The following KCNN2 variants were observed in gnomAD, a reference collection of about 807,000 sequenced individuals.
KCNN2 encodes the protein small conductance calcium-activated potassium channel protein 2.
In KCNN2, 24 loss-of-function variants were observed where a neutral mutation model predicts 55.5. The ratio of observed to expected loss-of-function variants is 0.43; its 90% confidence interval spans 0.31 to 0.61. The LOEUF (loss-of-function observed/expected upper bound fraction) is 0.61. Ranked by LOEUF, KCNN2 falls within the 20% of genes least tolerant of loss-of-function variation. KCNN2 has a pLI of 0.08. For synonymous variants in KCNN2, 431 were observed against 336.1 expected (o/e 1.28, Z -3.09); for missense variants, 754 against 853.6 (o/e 0.88, Z 1.45).
intron 2 of KCNN2, among the ~76,000 whole-genome samples, chr5:114,253,126 T>C (rs1435871867): frequency 1.2e-4 from 7 of 56,592 alleles, no homozygotes; most frequent in Admixed American, 3.0e-4. Context: ...TTTTTTTTCT[T>C]GCTTTCTTTT....
chr5:114,345,899 G>T (rs757434926), intron 2 of KCNN2, among the ~76,000 whole-genome samples: 1 of 152,128 alleles, frequency 6.6e-6, no homozygotes, highest in Non-Finnish European at 1.5e-5. Context: ...TTCTGCCTCG[G>T]CATCCCGAGT....
chr5:114,419,314 G>A (rs1759402219), intron 3 of KCNN2, among the ~76,000 whole-genome samples: 2 of 152,216 alleles, frequency 1.3e-5, no homozygotes, highest in Non-Finnish European at 2.9e-5. Context: ...GAGACTATAT[G>A]TAGTCTACAA....
intron 3 of KCNN2, among the ~76,000 whole-genome samples, chr5:114,406,135 C>T (rs992879545): frequency 4.7e-5 from 7 of 150,304 alleles, no homozygotes; most frequent in African/African-American, 1.7e-4. Context: ...GAACCCTGAC[C>T]ACCCCCCAGC....
intron 1 of KCNN2, among the ~76,000 whole-genome samples, chr5:114,078,659 G>C (rs948125976): frequency 2.6e-5 from 4 of 152,314 alleles, no homozygotes; most frequent in Non-Finnish European, 4.4e-5. Flanking sequence ...GGAGATGGCT[G>C]TATGTCTCAT....
chr5:114,387,521 T>A (rs1329438371), intron 2 of KCNN2, among the ~76,000 whole-genome samples: 3 of 125,352 alleles, frequency 2.4e-5, no homozygotes, highest in Non-Finnish European at 5.0e-5. Flanking sequence ...TAGAAAAAAA[T>A]TTAAAAACTG....
chr5:114,391,269 G>A (rs1331840963), intron 2 of KCNN2, among the ~76,000 whole-genome samples: 1 of 151,646 alleles, frequency 6.6e-6, no homozygotes, highest in Non-Finnish European at 1.5e-5. Context: ...TCATCTACTT[G>A]TCCCTCTCTG....
intron 1 of KCNN2, among the ~76,000 whole-genome samples, chr5:114,123,999 G>A (rs1479656184): frequency 2.0e-5 from 3 of 152,110 alleles, no homozygotes; most frequent in Admixed American, 6.5e-5. Flanking sequence ...CAAGAATGTT[G>A]TTTTACACAG....
chr5:114,431,040 G>A (rs1325391424), intron 3 of KCNN2, among the ~76,000 whole-genome samples: 1 of 152,050 alleles, frequency 6.6e-6, no homozygotes, highest in East Asian at 1.9e-4. Context: ...GATATTGGTT[G>A]ATAGTCTTAC....
chr5:114,221,431 A>G (rs991746531), intron 1 of KCNN2, among the ~76,000 whole-genome samples: 33 of 152,330 alleles, frequency 2.2e-4, no homozygotes, highest in African/African-American at 7.5e-4. Context: ...TTTAAAAGAG[A>G]GAATGAAACA....
chr5:114,329,479 T>C (rs1191327565), intron 2 of KCNN2, among the ~76,000 whole-genome samples: 1 of 152,226 alleles, frequency 6.6e-6, no homozygotes, highest in Non-Finnish European at 1.5e-5. Flanking sequence ...GGTTGCTTCC[T>C]GCCCTCAAAC....
intron 5 of KCNN2, among the ~76,000 whole-genome samples, chr5:114,483,273 CTTTTT>C (rs34472228): frequency 5.6e-5 from 6 of 108,030 alleles, no homozygotes; most frequent in Non-Finnish European, 7.7e-5. Flanking sequence ...TTCTTTCTTT[CTTTTT>C]TTTTTTTTTT....
chr5:114,066,149 C>T (rs1457601373), intron 1 of KCNN2, among the ~76,000 whole-genome samples: 1 of 152,096 alleles, frequency 6.6e-6, no homozygotes, highest in African/African-American at 2.4e-5. Flanking sequence ...GCTCGTGTAG[C>T]ACAAAGGCCA....
intron 1 of KCNN2, among the ~76,000 whole-genome samples, chr5:114,118,453 AAGGCC>A (rs1476277987): frequency 6.6e-6 from 1 of 152,162 alleles, no homozygotes; most frequent in African/African-American, 2.4e-5. Flanking sequence ...TACAAGTCTG[AAGGCC>A]TGAGAACCAG....
At chr5:114,266,122 T>C (rs1407034412) in intron 2 of KCNN2, among the ~76,000 whole-genome samples, 3 of 152,320 alleles carry the variant, frequency 2.0e-5, no homozygotes, top group Non-Finnish European at 4.4e-5. Context: ...AAAATAGCAT[T>C]ACAACATGTA....
intron 4 of KCNN2, 88 bp from the exon 5 acceptor site, chr5:114,472,966 T>G (rs1580891775): frequency 1.4e-6 from 1 of 696,242 alleles, no homozygotes; most frequent in East Asian, 2.8e-5. Context: ...TGAGAAACTT[T>G]TGCATTTGAT....
chr5:114,190,371 G>A (rs1753425714), intron 1 of KCNN2, among the ~76,000 whole-genome samples: 1 of 151,998 alleles, frequency 6.6e-6, no homozygotes, highest in Non-Finnish European at 1.5e-5. Flanking sequence ...TGCATATAAT[G>A]GAATATTATA....
intron 3 of KCNN2, among the ~76,000 whole-genome samples, chr5:114,460,396 C>T (rs527664366): frequency 7.9e-5 from 12 of 152,216 alleles, no homozygotes; most frequent in Non-Finnish European, 1.5e-4. Flanking sequence ...GCTTACACTA[C>T]CATACCTGGC....
intron 3 of KCNN2, among the ~76,000 whole-genome samples, chr5:114,451,816 G>A (rs1010781485): frequency 6.6e-6 from 1 of 151,332 alleles, no homozygotes; most frequent in Non-Finnish European, 1.5e-5. Flanking sequence ...AGAATGGCGT[G>A]AACCCGGGTG....
Position 114,066,538 on chromosome 5 carries a change from C to T in KCNN2, c.-271+10038C>T, listed in dbSNP as rs76616933. ...TACACACTACTGTGGGAAAGGGGCT[C>T]ACCAGCTTCCAGCTGAAAGATTCAA... On this transcript the variant is annotated intron_variant, in intron 1 of 10. Coordinates refer to the KCNN2 transcript ENST00000512097. Among the ~76,000 whole-genome samples, 978 of 152,318 alleles carry T rather than the reference C, an allele frequency of 6.4e-3. 13 individuals are homozygous for T. The highest frequency in any genetic ancestry group is 0.022 in the African/African-American group (913 of 41,578).
Sources: gnomAD v4.1 joint callset for allele counts (sites outside exome capture counted in the v4.1 genomes callset) on GRCh38, gnomAD v4.1.1 for gene constraint, MANE v1.5 for transcripts, NCBI Gene and HGNC (gene_info 2026-07-23, HGNC 2026-07-21) for gene names.